Variants in CDC42SE2 observed in about 807,000 individuals in gnomAD.
The protein encoded by CDC42SE2 is CDC42 small effector 2.
CDC42SE2 carries 3 observed loss-of-function variants against 11.5 expected under a neutral mutation model. That is an observed-to-expected ratio of 0.26 (90% CI 0.12 to 0.67). The LOEUF (loss-of-function observed/expected upper bound fraction) is 0.67. CDC42SE2 is among the 30% of genes least tolerant of loss of function. The probability of loss-of-function intolerance (pLI) is 0.80; values close to 1 mark genes in which losing one functional copy is unlikely to be tolerated. For missense variants in CDC42SE2, 82 were observed against 106.8 expected (o/e 0.77, Z 1.02); for synonymous variants, 33 against 34.8 (o/e 0.95, Z 0.18).
the CDC42SE2 span, among the ~76,000 whole-genome samples, chr5:131,225,441 A>G: frequency 6.6e-6 from 1 of 152,228 alleles, no homozygotes; most frequent in Non-Finnish European, 1.5e-5. Context: ...TTTCTGAAAA[A>G]CAAACACAGA....
chr5:131,244,432 C>T (rs1173769254), upstream of CDC42SE2, among the ~76,000 whole-genome samples: 1 of 152,148 alleles, frequency 6.6e-6, no homozygotes, highest in Admixed American at 6.5e-5. Flanking sequence ...ATCTTCAGGC[C>T]GGGCACAGTG....
chr5:131,243,293 T>C (rs541511568), upstream of CDC42SE2, among the ~76,000 whole-genome samples: 5 of 152,288 alleles, frequency 3.3e-5, no homozygotes, highest in South Asian at 6.2e-4. Context: ...TTCTTAATAA[T>C]TTTTGGCCGG....
At chr5:131,268,054 C>CTTTTTTTTTTT (rs148354795) in intron 1 of CDC42SE2, among the ~76,000 whole-genome samples, 4 of 65,448 alleles carry the variant, frequency 6.1e-5, no homozygotes, top group Admixed American at 1.8e-4. Flanking sequence ...CATGCTTATT[C>CTTTTTTTTTTT]TTTTTTTTTT....
intron 1 of CDC42SE2, among the ~76,000 whole-genome samples, chr5:131,272,720 C>A (rs190358233): frequency 2.6e-5 from 4 of 152,308 alleles, no homozygotes; most frequent in Admixed American, 2.0e-4. Flanking sequence ...GCCACATCTT[C>A]CTTTAGTTAC....
At chr5:131,299,902 A>C (rs1221686780) in intron 1 of CDC42SE2, among the ~76,000 whole-genome samples, 4 of 152,196 alleles carry the variant, frequency 2.6e-5, no homozygotes, top group African/African-American at 9.7e-5. Flanking sequence ...GGAGGGAATC[A>C]GGGCTGTTCT....
At chr5:131,332,343 A>G (rs1365879833) in intron 2 of CDC42SE2, among the ~76,000 whole-genome samples, 1 of 152,236 alleles carries the variant, frequency 6.6e-6, no homozygotes, top group Non-Finnish European at 1.5e-5. Flanking sequence ...TATATGTGCC[A>G]CATTTTCTTA....
upstream of CDC42SE2, among the ~76,000 whole-genome samples, chr5:131,259,869 G>T (rs563487841): frequency 6.6e-6 from 1 of 152,348 alleles, no homozygotes; most frequent in South Asian, 2.1e-4. Context: ...GCCTGGAATT[G>T]TGTCTGGCAC....
intron 2 of CDC42SE2, among the ~76,000 whole-genome samples, chr5:131,351,462 G>A (rs1028598359): frequency 2.6e-5 from 4 of 152,126 alleles, no homozygotes; most frequent in African/African-American, 9.7e-5. Flanking sequence ...CACCATGTTA[G>A]CCAGGATGGT....
chr5:131,289,639 C>T (rs1757410280), intron 1 of CDC42SE2, among the ~76,000 whole-genome samples: 1 of 151,464 alleles, frequency 6.6e-6, no homozygotes, highest in Non-Finnish European at 1.5e-5. Context: ...CACCACTGCA[C>T]TCCAGCCTGG....
upstream of CDC42SE2, among the ~76,000 whole-genome samples, chr5:131,245,108 C>A (rs915663260): frequency 3.3e-5 from 5 of 152,072 alleles, no homozygotes; most frequent in Admixed American, 2.0e-4. Flanking sequence ...ATTATGAAAA[C>A]AGGAAAGAAA....
chr5:131,222,563 A>C, the CDC42SE2 span, among the ~76,000 whole-genome samples: 1 of 152,254 alleles, frequency 6.6e-6, no homozygotes, highest in South Asian at 2.1e-4. Flanking sequence ...TGAAATTTTA[A>C]ACAAACATAA....
chr5:131,361,918 G>A (rs1749720860), intron 3 of CDC42SE2, among the ~76,000 whole-genome samples: 1 of 152,118 alleles, frequency 6.6e-6, no homozygotes, highest in African/African-American at 2.4e-5. Context: ...CTAACCGCTT[G>A]TGTCTTCTTC....
upstream of CDC42SE2, among the ~76,000 whole-genome samples, chr5:131,245,146 C>T (rs926149798): frequency 6.6e-6 from 1 of 152,124 alleles, no homozygotes; most frequent in Non-Finnish European, 1.5e-5. Context: ...GGGAGCTGGT[C>T]CCCAACTTCT....
At chr5:131,271,700 G>C (rs1358203278) in intron 1 of CDC42SE2, among the ~76,000 whole-genome samples, 4 of 152,130 alleles carry the variant, frequency 2.6e-5, no homozygotes, top group African/African-American at 7.2e-5. Flanking sequence ...CCTCTTTGCT[G>C]TCCCAAGACC....
chr5:131,292,928 A>C (rs1315403936), intron 1 of CDC42SE2, among the ~76,000 whole-genome samples: 3 of 150,116 alleles, frequency 2.0e-5, no homozygotes, highest in South Asian at 4.2e-4. Context: ...AAAAAAAAAA[A>C]AAAAAACAGA....
chr5:131,234,679 A>C, the CDC42SE2 span, among the ~76,000 whole-genome samples: 162 of 152,032 alleles, frequency 1.1e-3, no homozygotes, highest in African/African-American at 3.6e-3. Context: ...AGATAGATAA[A>C]GAGAAGATTT....
chr5:131,219,168 G>A, the CDC42SE2 span, among the ~76,000 whole-genome samples: 1 of 152,164 alleles, frequency 6.6e-6, no homozygotes, highest in Admixed American at 6.5e-5. Flanking sequence ...GTTATGCTAT[G>A]AGAAAATTTT....
chr5:131,352,103 C>T (rs1179563126), intron 2 of CDC42SE2, among the ~76,000 whole-genome samples: 4 of 152,090 alleles, frequency 2.6e-5, no homozygotes, highest in African/African-American at 9.7e-5. Context: ...TACTGTACAC[C>T]CACTAGGATG....
intron 1 of CDC42SE2, among the ~76,000 whole-genome samples, chr5:131,303,717 C>T (rs1757727997): frequency 6.6e-6 from 1 of 152,166 alleles, no homozygotes; most frequent in Admixed American, 6.5e-5. Context: ...GAAAGATGTA[C>T]TAATAGGTAG....
Sources: allele counts gnomAD v4.1 joint callset (sites outside exome capture counted in the v4.1 genomes callset), GRCh38; gene constraint gnomAD v4.1.1; transcripts MANE v1.5; gene names NCBI Gene and HGNC (gene_info 2026-07-23, HGNC 2026-07-21).